Variants in PCDHGA10 observed in about 807,000 individuals in gnomAD.
PCDHGA10 encodes protocadherin gamma-A10.
In PCDHGA10, 42 loss-of-function variants were observed where a neutral mutation model predicts 59.5. The ratio of observed to expected loss-of-function variants is 0.71; its 90% CI spans 0.55 to 0.91. The LOEUF is 0.91. PCDHGA10 is among the 40% of genes least tolerant of loss of function. The probability of loss-of-function intolerance (pLI) is 0.00; values close to 1 mark genes in which losing one functional copy is unlikely to be tolerated. For missense variants in PCDHGA10, 1,111 were observed against 1,198.2 expected, an observed-to-expected ratio of 0.93 and a Z score of 1.07; for synonymous variants, 511 against 517.2, an observed-to-expected ratio of 0.99 and a Z score of 0.16.
At chr5:141,423,398 G>T in intron 1 of PCDHGA10, 7 of 1,614,172 alleles carry the variant, frequency 4.3e-6, no homozygotes, top group Non-Finnish European at 5.9e-6. Flanking sequence ...CATAAGTCAC[G>T]CCTGCTGCAG....
chr5:141,421,960 CA>C, intron 1 of PCDHGA10: 1 of 1,612,526 alleles, frequency 6.2e-7, no homozygotes, highest in Admixed American at 1.7e-5. Flanking sequence ...AATGTTTACA[CA>C]GTCCGTATAT....
rs1410806560 is a variant in PCDHGA10, at chr5:141,415,165, C to T, written c.1990C>T (p.Leu664Phe). 10 of 1,613,746 alleles carry T rather than the reference C, an allele frequency of 6.2e-6. No individual in the cohort carries two copies. The highest frequency in any genetic ancestry group is 8.5e-6 in the Non-Finnish European group (10 of 1,180,034). Residue 664 changes from leucine (L) to phenylalanine (F), a missense_variant, in exon 1 of 4, where the codon CTC becomes TTC. Transcript: ENST00000398610. Reference sequence around the variant, plus strand: ...GCCCCCTCTCTCCGCCACTGTCACGCTCACCGTGGCCGTGGCCGACAGCAT... The same window carrying T: ...GCCCCCTCTCTCCGCCACTGTCACGTTCACCGTGGCCGTGGCCGACAGCAT... The part of the protein sequence containing the change: ...GQPPLSATVT[L>F]TVAVADSIPQ...
chr5:141,486,408 C>T lies in PCDHGA10; in HGVS notation c.2437-8399C>T. On this transcript the variant is annotated intron_variant, in intron 1 of 3. Coordinates refer to ENST00000398610, the MANE Select transcript of PCDHGA10 (RefSeq NM_018913.3). This position sits in a 1 kb window ranked among gnomAD's most constrained non-coding sequence, Gnocchi z 5.0. ...CAGTTCTCCCTGGTGACTGCTGGAC[C>T]CTTGGATCGAGAGGCCAAATCTAGC... is the stretch of plus-strand genomic sequence containing the variant. The T allele has an allele frequency of 1.2e-6, 2 of 1,614,156 alleles. No individual in the cohort carries two copies. Among genetic ancestry groups the T allele is most frequent in the South Asian group, 2.2e-5 (2 of 91,084 alleles).
chr5:141,424,504 G>A (rs1357608806), intron 1 of PCDHGA10: 2 of 152,134 alleles, frequency 1.3e-5, no homozygotes, highest in East Asian at 1.9e-4. Flanking sequence ...TGTATGGAAG[G>A]TTTTTTAATG....
intron 1 of PCDHGA10, chr5:141,428,860 CT>C (rs34152666): frequency 0.3 from 42,955 of 145,250 alleles, 7,185 homozygotes; most frequent in African/African-American, 0.5. Flanking sequence ...TTACGGGAGA[CT>C]TTTTTTTTTT....
At chr5:141,507,450 CAG>C (rs940460926) in intron 3 of PCDHGA10, among the ~76,000 whole-genome samples, 3 of 152,168 alleles carry the variant, frequency 2.0e-5, no homozygotes, top group African/African-American at 7.2e-5. Flanking sequence ...GACGGAAGGA[CAG>C]AGAGAGAGGT....
intron 2 of PCDHGA10, among the ~76,000 whole-genome samples, chr5:141,495,175 C>A (rs1337353259): frequency 6.6e-6 from 1 of 152,300 alleles, no homozygotes; most frequent in Middle Eastern, 3.4e-3. Flanking sequence ...TGGGTGAAAG[C>A]GAGGCTTTCT....
intron 1 of PCDHGA10, among the ~76,000 whole-genome samples, chr5:141,481,309 T>C (rs577046585): frequency 2.6e-4 from 39 of 152,310 alleles, no homozygotes; most frequent in African/African-American, 9.1e-4. Context: ...GGAAAAACCT[T>C]CCTAAAGCAC....
At chr5:141,419,542 G>C (rs771168003) in intron 1 of PCDHGA10, 3 of 1,612,016 alleles carry the variant, frequency 1.9e-6, no homozygotes, top group South Asian at 2.2e-5. Flanking sequence ...ACGCACCGCG[G>C]GTGCTGTACC....
chr5:141,422,087 G>A, intron 1 of PCDHGA10: 6 of 1,611,966 alleles, frequency 3.7e-6, no homozygotes, highest in Non-Finnish European at 5.1e-6. Context: ...AACATGGAAA[G>A]CAAGGCTTCT....
Position 141,414,679 on chromosome 5 carries a change from G to A in PCDHGA10, c.1504G>A (p.Gly502Arg). Reference protein sequence around the residue: ...IYSLAEDTIQGVPLSSYISIN... With the variant: ...IYSLAEDTIQRVPLSSYISIN... ...CTCCCTGGCTGAAGACACCATCCAG[G>A]GGGTACCTCTGTCCTCATACATATC... is the stretch of plus-strand genomic sequence containing the variant. Residue 502 changes from glycine (G) to arginine (R), a missense_variant, in exon 1 of 4, where the codon GGG (glycine) becomes AGG (arginine). Transcript: ENST00000398610. The A allele has an allele frequency of 6.2e-7, 1 of 1,613,960 alleles. No homozygotes were observed.
At chr5:141,435,334 T>C (rs1223377462) in intron 1 of PCDHGA10, among the ~76,000 whole-genome samples, 1 of 152,196 alleles carries the variant, frequency 6.6e-6, no homozygotes, top group East Asian at 1.9e-4. Context: ...ATATAGTGAA[T>C]TTATTTCTTC....
At chr5:141,450,506 G>A (rs2098682958) in intron 1 of PCDHGA10, among the ~76,000 whole-genome samples, 2 of 151,914 alleles carry the variant, frequency 1.3e-5, no homozygotes, top group Admixed American at 6.6e-5. Context: ...TTTGTTTTGA[G>A]ATGGAGTCTC....
intron 1 of PCDHGA10, among the ~76,000 whole-genome samples, chr5:141,436,832 C>T (rs1242760381): frequency 6.6e-6 from 1 of 152,172 alleles, no homozygotes; most frequent in African/African-American, 2.4e-5. Flanking sequence ...ATCTTAAGTG[C>T]CTAGGCACAT....
intron 1 of PCDHGA10, among the ~76,000 whole-genome samples, chr5:141,457,067 G>A (rs946526462): frequency 1.3e-5 from 2 of 152,166 alleles, no homozygotes; most frequent in Non-Finnish European, 2.9e-5. Flanking sequence ...CTTTTTGCCA[G>A]TAACTATTAT....
intron 1 of PCDHGA10, among the ~76,000 whole-genome samples, chr5:141,470,014 A>G (rs1394478856): frequency 6.6e-6 from 1 of 152,200 alleles, no homozygotes; most frequent in Non-Finnish European, 1.5e-5. Flanking sequence ...CTGTAATCCC[A>G]GCTACTCGGG....
intron 1 of PCDHGA10, chr5:141,478,540 C>T (rs1221128622): frequency 6.2e-7 from 1 of 1,606,412 alleles, no homozygotes; most frequent in East Asian, 2.2e-5. Context: ...GCGCCCCTCC[C>T]GGACAGGTAA....
At chr5:141,461,607 A>C (rs74634930) in intron 1 of PCDHGA10, among the ~76,000 whole-genome samples, 8,353 of 152,212 alleles carry the variant, frequency 0.055, 473 homozygotes, top group African/African-American at 0.15. Flanking sequence ...AATTTAGTTC[A>C]AAGTATTTTC....
Position 141,487,297 on chromosome 5 carries a change from C to T in PCDHGA10, c.2437-7510C>T, listed in dbSNP as rs770262058. ...TTTGCTTTGTCTCCTTTGGCTCATT[C>T]GTGGCACTACTCTCTAAGTGTCTTC... On this transcript the variant is annotated intron_variant, in intron 1 of 3. Coordinates refer to ENST00000398610, the MANE Select transcript of PCDHGA10 (RefSeq NM_018913.3). This position sits in a 1 kb window ranked among gnomAD's most constrained non-coding sequence, Gnocchi z 5.0. The T allele has an allele frequency of 3.2e-5, 52 of 1,613,984 alleles. No homozygotes were observed. The highest frequency in any genetic ancestry group is 4.0e-5 in the African/African-American group (3 of 74,912).
Sources: gnomAD v4.1 joint callset for allele counts (sites outside exome capture counted in the v4.1 genomes callset) on GRCh38, gnomAD v4.1.1 for gene constraint, Gnocchi (gnomAD v3.1) non-coding constraint, MANE v1.5 for transcripts, NCBI Gene and HGNC (gene_info 2026-07-23, HGNC 2026-07-21) for gene names.